CRACR2A: variants seen among roughly 807,000 people sequenced by gnomAD.
CRACR2A encodes the protein EF-hand calcium-binding domain-containing protein 4B.
CRACR2A carries 79 observed loss-of-function variants against 90.5 expected under a neutral mutation model. The ratio of observed to expected loss-of-function variants is 0.87; its 90% CI spans 0.73 to 1.05. The LOEUF (loss-of-function observed/expected upper bound fraction) is 1.05. Among genes scored for constraint, CRACR2A ranks in the 50% least tolerant of loss-of-function variants. CRACR2A has a pLI of 0.00. For missense variants in CRACR2A, 823 were observed against 897.2 expected, an observed-to-expected ratio of 0.92 and a Z score of 1.06; for synonymous variants, 338 against 356.7, an observed-to-expected ratio of 0.95 and a Z score of 0.59.
chr12:3,661,147 A>G (rs551418560), intron 7 of CRACR2A, among the ~76,000 whole-genome samples: 1 of 152,158 alleles, frequency 6.6e-6, no homozygotes, highest in Non-Finnish European at 1.5e-5. Context: ...CCACAGCCCA[A>G]TTTCTGTCCC....
At chr12:3,615,968 TA>T (rs1274103935) in intron 19 of CRACR2A, among the ~76,000 whole-genome samples, 1 of 152,236 alleles carries the variant, frequency 6.6e-6, no homozygotes, top group Non-Finnish European at 1.5e-5. Flanking sequence ...GGTGAGGAAT[TA>T]AAAATAATGG....
chr12:3,727,628 C>A (rs1207733771), intron 2 of CRACR2A: 1 of 152,114 alleles, frequency 6.6e-6, no homozygotes, highest in Non-Finnish European at 1.5e-5. Context: ...GTCTTTATTC[C>A]ATTTAGGCTT....
At chr12:3,634,993 A>G (rs1944433402) in intron 14 of CRACR2A, among the ~76,000 whole-genome samples, 1 of 152,128 alleles carries the variant, frequency 6.6e-6, no homozygotes, top group South Asian at 2.1e-4. Context: ...TGAGACTAAA[A>G]CTCAATGTAT....
Position 3,619,309 on chromosome 12 carries a change from G to T in CRACR2A, c.1996C>A (p.Arg666=). The change falls in exon 18 of 20, where the codon CGG becomes AGG. Residue 666 remains arginine (R), a synonymous_variant. Coordinates refer to ENST00000440314, the MANE Select transcript of CRACR2A (RefSeq NM_001144958.2). Reference sequence around the variant, plus strand: ...TCTCCGAGGCCCCGGGGGACTTCCCGCTCCTTCTCGTTGTCAAGCTTATTA... The same window carrying T: ...TCTCCGAGGCCCCGGGGGACTTCCCTCTCCTTCTCGTTGTCAAGCTTATTA... ...LGNKLDNEKE[R]EVPRGLGEQL... The T allele has an allele frequency of 1.3e-6, 2 of 1,551,614 alleles. No individual in the cohort carries two copies. Among genetic ancestry groups the T allele is most frequent in the South Asian group, 1.2e-5 (1 of 84,056 alleles).
intron 2 of CRACR2A, among the ~76,000 whole-genome samples, chr12:3,713,586 A>C (rs965667532): frequency 6.6e-6 from 1 of 152,152 alleles, no homozygotes; most frequent in Admixed American, 6.5e-5. Flanking sequence ...GTGCATGAGA[A>C]GGGGGTAGCC....
intron 13 of CRACR2A, among the ~76,000 whole-genome samples, chr12:3,640,084 G>A (rs775630738): frequency 1.3e-5 from 2 of 152,202 alleles, no homozygotes; most frequent in Non-Finnish European, 2.9e-5. Context: ...GCATTTCTTG[G>A]AAAAAGCTTT....
chr12:3,734,052 G>C (rs986992027), intron 1 of CRACR2A, among the ~76,000 whole-genome samples: 2 of 144,198 alleles, frequency 1.4e-5, no homozygotes, highest in African/African-American at 5.1e-5. Flanking sequence ...CTCACTGCAA[G>C]CTCTGCCTCT....
intron 3 of CRACR2A, among the ~76,000 whole-genome samples, chr12:3,708,514 T>C (rs1472935848): frequency 6.6e-6 from 1 of 152,170 alleles, no homozygotes; most frequent in Non-Finnish European, 1.5e-5. Flanking sequence ...AAGCTCCGCC[T>C]CCCGGGTTCG....
At chr12:3,653,692 G>A (rs1174280282) in intron 10 of CRACR2A, among the ~76,000 whole-genome samples, 2 of 152,164 alleles carry the variant, frequency 1.3e-5, no homozygotes, top group Non-Finnish European at 2.9e-5. Flanking sequence ...AAAAAAATGG[G>A]CAGAGATGGA....
At chr12:3,709,079 T>A (rs1205405235) in intron 3 of CRACR2A, among the ~76,000 whole-genome samples, 1 of 152,232 alleles carries the variant, frequency 6.6e-6, no homozygotes, top group Non-Finnish European at 1.5e-5. Flanking sequence ...TCTTTCACAA[T>A]GCACTGACAA....
intron 2 of CRACR2A, chr12:3,726,701 T>G (rs1373843412): frequency 6.6e-6 from 1 of 151,924 alleles, no homozygotes; most frequent in East Asian, 1.9e-4. Context: ...GTCTTACGTA[T>G]AAGTGTAGCG....
chr12:3,741,509 G>T (rs1946525075), intron 1 of CRACR2A, among the ~76,000 whole-genome samples: 1 of 152,158 alleles, frequency 6.6e-6, no homozygotes, highest in Non-Finnish European at 1.5e-5. Context: ...GTTCATAAAC[G>T]ACTTTCATAT....
At chr12:3,663,340 C>G (rs570785769) in intron 7 of CRACR2A, among the ~76,000 whole-genome samples, 3 of 151,944 alleles carry the variant, frequency 2.0e-5, no homozygotes, top group Non-Finnish European at 4.4e-5. Flanking sequence ...AAAATTCTTG[C>G]GACAATACCA....
chr12:3,630,699 C>T (rs1318081953), intron 15 of CRACR2A, among the ~76,000 whole-genome samples: 1 of 152,202 alleles, frequency 6.6e-6, no homozygotes, highest in Non-Finnish European at 1.5e-5. Flanking sequence ...AGGTTCCTTC[C>T]AAACCTCGCA....
In CRACR2A at chr12:3,679,101, G is replaced by A. The variant is rs756783168; in HGVS notation, c.341-3C>T. The A allele has an allele frequency of 6.2e-7, 1 of 1,608,654 alleles. No homozygotes were observed. Among genetic ancestry groups the A allele is most frequent in the South Asian group, 1.1e-5 (1 of 90,132 alleles). ...ATTCTGGCTGAAGAAGAAGTGACCTGGGGGGTGCAGGGCACAAGGATCCGA... is the reference window on the plus strand; with the variant it reads ...ATTCTGGCTGAAGAAGAAGTGACCTAGGGGGTGCAGGGCACAAGGATCCGA... On this transcript the variant is annotated splice_polypyrimidine_tract_variant and splice_region_variant and intron_variant, in intron 5 of 19. Transcript: ENST00000440314.
chr12:3,705,087 C>T (rs562047776), intron 3 of CRACR2A, among the ~76,000 whole-genome samples: 1 of 152,178 alleles, frequency 6.6e-6, no homozygotes, highest in Non-Finnish European at 1.5e-5. Flanking sequence ...AGAGATTTGC[C>T]ATTAGACCAA....
At chr12:3,745,073 C>G (rs1475339572) in intron 1 of CRACR2A, among the ~76,000 whole-genome samples, 3 of 152,100 alleles carry the variant, frequency 2.0e-5, no homozygotes, top group Non-Finnish European at 4.4e-5. Flanking sequence ...GATGGCCTTC[C>G]CTCTGTGGGA....
intron 9 of CRACR2A, 113 bp downstream of exon 9, chr12:3,656,198 C>T: frequency 1.0e-6 from 1 of 965,720 alleles, no homozygotes. Flanking sequence ...AATAGTTCTT[C>T]TCAGGTTAAA....
chr12:3,677,836 C>T (rs528350873), intron 6 of CRACR2A, among the ~76,000 whole-genome samples: 1 of 152,324 alleles, frequency 6.6e-6, no homozygotes, highest in African/African-American at 2.4e-5. Context: ...AGGATCTTCC[C>T]CAGGCACTTG....
Sources: allele counts gnomAD v4.1 joint callset (sites outside exome capture counted in the v4.1 genomes callset), GRCh38; gene constraint gnomAD v4.1.1; transcripts MANE v1.5; gene names NCBI Gene and HGNC (gene_info 2026-07-23, HGNC 2026-07-21).